ZNF257: variants seen among roughly 807,000 people sequenced by gnomAD.
ZNF257 encodes the protein bone marrow zinc finger 4.
ZNF257 carries 12 observed loss-of-function variants against 11.9 expected under a neutral mutation model. The observed-to-expected ratio is 1.01, with a 90% confidence interval of 0.65 to 1.63. The LOEUF (loss-of-function observed/expected upper bound fraction) is 1.63. Ranked by LOEUF, ZNF257 falls within the 40% of genes most tolerant of loss-of-function variation. The pLI is 0.00. For missense variants in ZNF257, 580 were observed against 665.5 expected (o/e 0.87, Z 1.41); for synonymous variants, 183 against 222.7 (o/e 0.82, Z 1.59).
Position 22,089,562 on chromosome 19 carries a change from G to T in ZNF257, c.*120G>T. ...CTACAAATGTGAAGAACGTGGCCTG[G>T]CTTTTAACAAATCCTCAACATTTAC... On this transcript the variant is annotated 3_prime_UTR_variant, in exon 4 of 4. Coordinates refer to ENST00000594947, the MANE Select transcript of ZNF257 (RefSeq NM_033468.4). 3 of 1,474,344 alleles carry T rather than the reference G, an allele frequency of 2.0e-6. No homozygotes were observed. The highest frequency in any genetic ancestry group is 1.8e-6 in the Non-Finnish European group (2 of 1,118,356). 91.3% of individuals were successfully genotyped at this position (1,474,344 alleles called of 1,614,324 possible). A position where few individuals can be genotyped will look rare whatever the true frequency, so the allele number is the denominator to read the frequency against.
chr19:22,090,743 A>G lies in ZNF257; in HGVS notation c.*1301A>G, dbSNP rs910769958. On this transcript the variant is annotated 3_prime_UTR_variant, in exon 4 of 4. Transcript: ENST00000594947. Reference sequence around the variant, plus strand: ...TTTGATAAAATTATAAAGCTTTTTAAAAGTAAATAATGATGTAAGTCAACT... The same window carrying G: ...TTTGATAAAATTATAAAGCTTTTTAGAAGTAAATAATGATGTAAGTCAACT... 6.6e-6 allele frequency: 1 copy of G among 152,148 alleles called. No homozygotes were observed. The highest frequency in any genetic ancestry group is 1.5e-5 in the Non-Finnish European group (1 of 68,028). The allele number at this position is 152,148 out of a possible 1,614,324, so 9.4% of individuals were successfully genotyped here.
Position 22,088,444 on chromosome 19 carries a change from G to T in ZNF257, c.694G>T (p.Glu232Ter). The T allele has an allele frequency of 6.2e-7, 1 of 1,613,646 alleles. No individual in the cohort carries two copies. The stretch of plus-strand genomic sequence containing the variant: ...TACTGGAGAGAAACCCTACAAATGT[G>T]AAGAGTGTGGAAAAGCTTTTAACCG... ...THTGEKPYKC[E>*]ECGKAFNRSS... The change falls in exon 4 of 4, where the codon GAA (glutamate) becomes TAA (stop). Residue 232 changes from glutamate to a stop codon, truncating the protein, a stop_gained. Coordinates refer to ENST00000594947, the MANE Select transcript of ZNF257 (RefSeq NM_033468.4). LOFTEE classifies it low-confidence loss of function (END_TRUNC).
intron 1 of ZNF257, among the ~76,000 whole-genome samples, chr19:22,072,290 A>G (rs1450634349): frequency 6.6e-6 from 1 of 152,128 alleles, no homozygotes; most frequent in Non-Finnish European, 1.5e-5. Flanking sequence ...ATCACATTTT[A>G]TCTGGTAGCT....
chr19:22,073,430 A>C, intron 2 of ZNF257, 39 bp from the exon 3 acceptor site: 16 of 1,578,156 alleles, frequency 1.0e-5, no homozygotes, highest in Non-Finnish European at 1.4e-5. Context: ...TAATTGGAGA[A>C]TATGAGCAAG....
intron 3 of ZNF257, among the ~76,000 whole-genome samples, chr19:22,085,685 C>T (rs2022460837): frequency 7.1e-6 from 1 of 140,922 alleles, no homozygotes; most frequent in Admixed American, 6.8e-5. Context: ...GATACACACA[C>T]ACATGCACAC....
At chr19:22,056,054 C>CA (rs139730834) in intron 1 of ZNF257, among the ~76,000 whole-genome samples, 48,852 of 116,070 alleles carry the variant, frequency 0.42, 9,701 homozygotes, top group Middle Eastern at 0.6. Context: ...GACTCCGTCT[C>CA]AAAAAAAAAA....
intron 1 of ZNF257, among the ~76,000 whole-genome samples, chr19:22,067,783 G>A (rs1436963563): frequency 6.6e-6 from 1 of 151,904 alleles, no homozygotes; most frequent in Admixed American, 6.6e-5. Context: ...GCAGTGACCC[G>A]AGATCGCGCC....
chr19:22,062,088 A>G (rs10405673), intron 1 of ZNF257, among the ~76,000 whole-genome samples: 34,887 of 146,892 alleles, frequency 0.24, 5,598 homozygotes, highest in African/African-American at 0.46. Context: ...TGAGACAGAG[A>G]CTTGCTCTGC....
At chr19:22,055,269 C>A (rs2021598794) in intron 1 of ZNF257, among the ~76,000 whole-genome samples, 1 of 152,118 alleles carries the variant, frequency 6.6e-6, no homozygotes, top group South Asian at 2.1e-4. Context: ...TGCAGTGACA[C>A]CATCTTGGCT....
chr19:22,077,038 T>C (rs1485385969), intron 3 of ZNF257, among the ~76,000 whole-genome samples: 2 of 152,112 alleles, frequency 1.3e-5, no homozygotes, highest in Non-Finnish European at 1.5e-5. Flanking sequence ...GGCCTAGGCA[T>C]GGTGGTGGCT....
intron 1 of ZNF257, among the ~76,000 whole-genome samples, chr19:22,060,117 A>C (rs138215129): frequency 2.0e-5 from 3 of 152,330 alleles, no homozygotes; most frequent in Admixed American, 6.5e-5. Flanking sequence ...TGCAATGAAC[A>C]TGCATGTGCA....
Position 22,087,353 on chromosome 19 carries a change from T to G in ZNF257, c.227-624T>G, listed in dbSNP as rs2022498629. On this transcript the variant is annotated intron_variant, in intron 3 of 3. Transcript: ENST00000594947. ...TTCAAACATGTTCTTAGAGTGTGTC[T>G]GATCTGAAATGTTTTATTTTCTAGT... 2.0e-5 allele frequency among the ~76,000 whole-genome samples: 3 copies of G among 152,066 alleles called. No homozygotes were observed. The South Asian group carries it at 6.2e-4, about 31-fold the overall frequency.
intron 3 of ZNF257, chr19:22,087,569 A>T (rs2022502512): frequency 1.6e-6 from 2 of 1,230,506 alleles, no homozygotes; most frequent in Non-Finnish European, 2.0e-6. Context: ...GTGTCTTGAA[A>T]GACCCCTAAA....
At chr19:22,081,186 T>TA (rs1214610765) in intron 3 of ZNF257, among the ~76,000 whole-genome samples, 1 of 151,906 alleles carries the variant, frequency 6.6e-6, no homozygotes, top group African/African-American at 2.4e-5. Flanking sequence ...CCTATATAGA[T>TA]ATCTATATGT....
intron 1 of ZNF257, 23 bp from the exon 2 acceptor site, chr19:22,072,786 G>GTC: frequency 1.2e-6 from 2 of 1,604,230 alleles, no homozygotes; most frequent in Non-Finnish European, 1.7e-6. Context: ...ATATATGTGT[G>GTC]TCTGTGTTTG....
At chr19:22,073,644 T>C (rs2022161878) in intron 3 of ZNF257, 80 bp downstream of exon 3, 1 of 1,498,466 alleles carries the variant, frequency 6.7e-7, no homozygotes, top group Non-Finnish European at 9.0e-7. Context: ...GTCCTTAAAA[T>C]GTCATTTCGG....
chr19:22,065,644 TA>T (rs2021924345), intron 1 of ZNF257, among the ~76,000 whole-genome samples: 1 of 148,040 alleles, frequency 6.8e-6, no homozygotes, highest in African/African-American at 2.5e-5. Flanking sequence ...ATTTATCTAA[TA>T]GGGATAACTC....
chr19:22,056,326 A>C (rs1163390729), intron 1 of ZNF257, among the ~76,000 whole-genome samples: 1 of 152,056 alleles, frequency 6.6e-6, no homozygotes, highest in Admixed American at 6.6e-5. Flanking sequence ...TTTTTAGTAG[A>C]GATGGGTTTT....
rs997857790 is a variant in ZNF257 at position 22,077,882 on chromosome 19, A to G, written c.226+4318A>G. Among the ~76,000 whole-genome samples the G allele has an allele frequency of 9.9e-5, 15 of 152,026 alleles. No homozygotes were observed. The East Asian group carries it at 2.9e-3, about 29-fold the overall frequency. On this transcript the variant is annotated intron_variant, in intron 3 of 3. Coordinates refer to ENST00000594947, the MANE Select transcript of ZNF257 (RefSeq NM_033468.4). ...GGCTACGCTCCTGATTTTCACCAAC[A>G]ATCGACATGGGTTTCATTTTCACTG...
Sources: gnomAD v4.1 joint callset for allele counts (sites outside exome capture counted in the v4.1 genomes callset) on GRCh38, gnomAD v4.1.1 for gene constraint, MANE v1.5 for transcripts, NCBI Gene and HGNC (gene_info 2026-07-23, HGNC 2026-07-21) for gene names.